The following GABBR2 variants were observed in gnomAD, a reference collection of about 807,000 sequenced individuals.
GABBR2 encodes gamma-aminobutyric acid type B receptor subunit 2, also known as G-protein coupled receptor 51.
A neutral mutation model predicts 105.6 loss-of-function variants in GABBR2; 23 were observed. That is an observed-to-expected ratio of 0.22 (90% CI 0.16 to 0.31). The LOEUF is 0.31. GABBR2 is among the 10% of genes least tolerant of loss of function. GABBR2 has a pLI of 1.00. For missense variants in GABBR2, 734 were observed against 1,245.5 expected (o/e 0.59, Z 6.18); for synonymous variants, 478 against 499.7 (o/e 0.96, Z 0.58).
At chr9:98,685,884 T>C (rs1379774443) in intron 1 of GABBR2, among the ~76,000 whole-genome samples, 1 of 152,130 alleles carries the variant, frequency 6.6e-6, no homozygotes, top group East Asian at 1.9e-4. Context: ...AGATGAGCTC[T>C]CACTCTGTTG....
At chr9:98,375,673 C>T (rs958502095) in intron 11 of GABBR2, among the ~76,000 whole-genome samples, 13 of 152,110 alleles carry the variant, frequency 8.5e-5, no homozygotes, top group Admixed American at 8.5e-4. Context: ...CTCAGCTGCC[C>T]CTTCCACATG....
intron 8 of GABBR2, among the ~76,000 whole-genome samples, chr9:98,404,466 A>T (rs1317220772): frequency 1.3e-5 from 2 of 151,994 alleles, no homozygotes; most frequent in Non-Finnish European, 2.9e-5. Flanking sequence ...AATCTGAATA[A>T]CTCACTTTAA....
intron 13 of GABBR2, among the ~76,000 whole-genome samples, chr9:98,355,460 C>T (rs367590046): frequency 5.9e-5 from 9 of 152,156 alleles, no homozygotes; most frequent in East Asian, 1.9e-4. Flanking sequence ...AAATTAAAAA[C>T]GCAATCCCAT....
In GABBR2 at chr9:98,350,267, C is replaced by A. The variant is rs116670255; in HGVS notation, c.1893+12448G>T. Among the ~76,000 whole-genome samples, 568 of 142,300 alleles carry A rather than the reference C, an allele frequency of 4.0e-3. 2 individuals carry two copies. The highest frequency in any genetic ancestry group is 0.012 in the African/African-American group (476 of 38,346). The allele number at this position is 142,300 out of a possible 152,430, so 93.4% of individuals were successfully genotyped here. A position where few individuals can be genotyped will look rare whatever the true frequency, so the allele number is the denominator to read the frequency against. On this transcript the variant is annotated intron_variant, in intron 13 of 18. Coordinates refer to ENST00000259455, the MANE Select transcript of GABBR2 (RefSeq NM_005458.8). Reference sequence around the variant, plus strand: ...TTTAATCCTGCTCTGATATTTATTTCTTTCCTTCTATTAATTTTGAATTTA... The same window carrying A: ...TTTAATCCTGCTCTGATATTTATTTATTTCCTTCTATTAATTTTGAATTTA...
chr9:98,666,367 C>T (rs1830333708), intron 1 of GABBR2, among the ~76,000 whole-genome samples: 1 of 152,160 alleles, frequency 6.6e-6, no homozygotes, highest in Non-Finnish European at 1.5e-5. Flanking sequence ...CTCCCAGTGA[C>T]CCACTTGGAG....
At chr9:98,294,767 T>A (rs1246674834) in intron 17 of GABBR2, among the ~76,000 whole-genome samples, 2 of 152,200 alleles carry the variant, frequency 1.3e-5, no homozygotes, top group Non-Finnish European at 2.9e-5. Flanking sequence ...TGTGAGCCGC[T>A]GCGCCCAGCC....
In GABBR2 at chr9:98,388,402, T is replaced by G. The variant is rs1349104781; in HGVS notation, c.1529+452A>C. 6.6e-6 allele frequency among the ~76,000 whole-genome samples: 1 copy of G among 152,114 alleles called. No individual in the cohort carries two copies. The highest frequency in any genetic ancestry group is 1.5e-5 in the Non-Finnish European group (1 of 68,012). ...CCAATGGGAGTCCATTTCACTGGACTTTGTGACCCCCTTCAGTGGTGATTC... is the reference window on the plus strand; with the variant it reads ...CCAATGGGAGTCCATTTCACTGGACGTTGTGACCCCCTTCAGTGGTGATTC... On this transcript the variant is annotated intron_variant, in intron 10 of 18. Coordinates refer to ENST00000259455, the MANE Select transcript of GABBR2 (RefSeq NM_005458.8). The surrounding 1 kb of genome is among the most constrained non-coding windows in gnomAD (Gnocchi z 4.4).
intron 6 of GABBR2, among the ~76,000 whole-genome samples, chr9:98,465,378 T>C (rs1826527696): frequency 6.6e-6 from 1 of 152,168 alleles, no homozygotes; most frequent in Admixed American, 6.5e-5. Context: ...TCACATCCTA[T>C]ACAAAATGTA....
chr9:98,544,042 CTTCTT>C (rs1285373459), intron 2 of GABBR2, among the ~76,000 whole-genome samples: 1 of 142,558 alleles, frequency 7.0e-6, no homozygotes, highest in African/African-American at 2.5e-5. Context: ...CCCTCCTTCT[CTTCTT>C]TTGTTTCATT....
chr9:98,570,219 G>A (rs114119492), intron 2 of GABBR2, among the ~76,000 whole-genome samples: 2 of 152,282 alleles, frequency 1.3e-5, no homozygotes, highest in East Asian at 3.9e-4. Context: ...GAAGGTCCTC[G>A]TGGGGAGTGC....
intron 13 of GABBR2, among the ~76,000 whole-genome samples, chr9:98,335,873 C>T (rs1831106168): frequency 6.6e-6 from 1 of 152,184 alleles, no homozygotes. Context: ...TTCCTTTGTT[C>T]ATTCATTCAC....
At chr9:98,699,726 C>G (rs1830804130) in intron 1 of GABBR2, among the ~76,000 whole-genome samples, 1 of 152,084 alleles carries the variant, frequency 6.6e-6, no homozygotes. Flanking sequence ...CAGCAACTAA[C>G]CCAGCACCAA....
chr9:98,448,939 A>C (rs1826184420), intron 7 of GABBR2, among the ~76,000 whole-genome samples: 1 of 151,164 alleles, frequency 6.6e-6, no homozygotes, highest in African/African-American at 2.4e-5. Flanking sequence ...AAAAAAGATC[A>C]CCTGAAGAAC....
intron 3 of GABBR2, among the ~76,000 whole-genome samples, chr9:98,539,598 C>T (rs1045750004): frequency 2.0e-5 from 3 of 152,188 alleles, no homozygotes; most frequent in Admixed American, 6.5e-5. Flanking sequence ...GTCCTTCAGG[C>T]TCTGACAGCC....
intron 6 of GABBR2, among the ~76,000 whole-genome samples, chr9:98,467,732 CT>C (rs1403669773): frequency 6.6e-6 from 1 of 152,214 alleles, no homozygotes; most frequent in East Asian, 1.9e-4. Flanking sequence ...ATTACAAAGT[CT>C]TCCAAAGGAT....
At chr9:98,633,063 G>A (rs571464415) in intron 1 of GABBR2, among the ~76,000 whole-genome samples, 45 of 152,290 alleles carry the variant, frequency 3.0e-4, no homozygotes, top group Non-Finnish European at 4.1e-4. Context: ...GTAGATATCC[G>A]TGGTGTGAAT....
chr9:98,578,503 T>C (rs1476597933), intron 1 of GABBR2, among the ~76,000 whole-genome samples: 1 of 151,968 alleles, frequency 6.6e-6, no homozygotes, highest in Non-Finnish European at 1.5e-5. Context: ...TGCTGTGCCC[T>C]ATTAGTGGGA....
At chr9:98,537,300 G>A (rs1054267225) in intron 3 of GABBR2, among the ~76,000 whole-genome samples, 1 of 152,214 alleles carries the variant, frequency 6.6e-6, no homozygotes. Context: ...AAAAGACTGC[G>A]TGTTCTTTAA....
rs546416234 is a variant in GABBR2, at chr9:98,424,308, A to G, written c.1237-18167T>C. 6.1e-3 allele frequency among the ~76,000 whole-genome samples: 924 copies of G among 152,256 alleles called. 10 individuals carry two copies. The highest frequency in any genetic ancestry group is 0.021 in the African/African-American group (892 of 41,532). Reference sequence around the variant, plus strand: ...GCTTCATGCTAAAAACTCTCAATAAATTAGGTATTGATGGGACGTATCTCA... The same window carrying G: ...GCTTCATGCTAAAAACTCTCAATAAGTTAGGTATTGATGGGACGTATCTCA... On this transcript the variant is annotated intron_variant, in intron 7 of 18. Coordinates refer to ENST00000259455, the MANE Select transcript of GABBR2 (RefSeq NM_005458.8).
Sources: gnomAD v4.1 joint callset for allele counts (sites outside exome capture counted in the v4.1 genomes callset) on GRCh38, gnomAD v4.1.1 for gene constraint, Gnocchi (gnomAD v3.1) non-coding constraint, MANE v1.5 for transcripts, NCBI Gene and HGNC (gene_info 2026-07-23, HGNC 2026-07-21) for gene names.